The following SEC31B variants were observed in gnomAD, a reference collection of about 807,000 sequenced individuals.
SEC31B encodes SEC31 homolog B, COPII component, also known as protein transport protein Sec31B.
In SEC31B, 113 loss-of-function variants were observed where a neutral mutation model predicts 135.0. That is an observed-to-expected ratio of 0.84 (90% confidence interval 0.72 to 0.98). The LOEUF is 0.98. SEC31B is among the 50% of genes least tolerant of loss of function. The pLI, the probability that SEC31B is intolerant of heterozygous loss-of-function variation, is 0.00. For synonymous variants in SEC31B, 508 were observed against 549.4 expected (o/e 0.92, Z 1.05); for missense variants, 1,296 against 1,421.1 (o/e 0.91, Z 1.42).
chr10:100,497,567 C>T lies in SEC31B; in HGVS notation c.1990+100G>A, dbSNP rs372346101. 90 of 1,588,656 alleles carry T rather than the reference C, an allele frequency of 5.7e-5. No homozygotes were observed. The African/African-American group carries it at 1.0e-3, about 18-fold the overall frequency. On this transcript the variant is annotated intron_variant, in intron 16 of 25. Coordinates refer to ENST00000370345, the MANE Select transcript of SEC31B (RefSeq NM_015490.4). Reference sequence around the variant, plus strand: ...TAGCCCTGACAACATTGCCTCGCCTCCCACAGCTCAGTCTGCTCCTCCACC... The same window carrying T: ...TAGCCCTGACAACATTGCCTCGCCTTCCACAGCTCAGTCTGCTCCTCCACC...
intron 19 of SEC31B, among the ~76,000 whole-genome samples, chr10:100,494,371 G>GCC (rs1178045787): frequency 1.3e-5 from 2 of 152,080 alleles, no homozygotes; most frequent in Non-Finnish European, 2.9e-5. Context: ...ACTCCCTCCA[G>GCC]CCTGGCCCTT....
At position 100,490,874 on chromosome 10, in the gene SEC31B, G is replaced by A; in HGVS notation, c.2482C>T (p.Pro828Ser). The A allele has an allele frequency of 6.7e-7, 1 of 1,492,488 alleles. No individual in the cohort carries two copies. 92.5% of individuals were successfully genotyped at this position (1,492,488 alleles called of 1,614,324 possible). A position where few individuals can be genotyped will look rare whatever the true frequency, so the allele number is the denominator to read the frequency against. ...GSQPSHQVPT[P>S]SPRPRVFTPQ... is the part of the protein sequence containing the mutation. ...GTGAAAACCCTTGGCCTTGGAGATG[G>A]AGTTGGGACCTATGAAGAGAAAAAA... The change falls in exon 20 of 26, where the codon CCA becomes TCA. Residue 828 changes from proline (P) to serine (S), a missense_variant. Pro to Ser is a moderately conservative substitution (Grantham distance 74). Transcript: ENST00000370345.
chr10:100,489,559 GAA>G, intron 22 of SEC31B, 142 bp downstream of exon 22: 1 of 1,383,154 alleles, frequency 7.2e-7, no homozygotes, highest in Admixed American at 2.2e-5. Context: ...GAAAGAGAAA[GAA>G]GAGGGTTCTG....
At chr10:100,495,745 A>G (rs1589732634) in intron 18 of SEC31B, among the ~76,000 whole-genome samples, 199 bp from the exon 19 acceptor site, 1 of 152,060 alleles carries the variant, frequency 6.6e-6, no homozygotes, top group East Asian at 1.9e-4. Context: ...GTCTCTAGTG[A>G]TAAGTGGAAA....
intron 19 of SEC31B, among the ~76,000 whole-genome samples, chr10:100,493,814 G>A (rs765827527): frequency 6.6e-6 from 1 of 152,160 alleles, no homozygotes; most frequent in Middle Eastern, 3.2e-3. Context: ...GCAATTTCTT[G>A]GTTTTGATAG....
intron 19 of SEC31B, among the ~76,000 whole-genome samples, chr10:100,491,799 T>C (rs1325250086): frequency 1.3e-5 from 2 of 152,198 alleles, no homozygotes; most frequent in African/African-American, 4.8e-5. Context: ...GTGGGACTTT[T>C]TGTAAGTGTT....
Position 100,498,704 on chromosome 10 carries a change from C to A in SEC31B, c.1684+1G>T. ...CTCCCTCTCCCTCAGGGTCAGGGTA[C>A]CTTTTGTGATGGGGATCTCCCAAGG... On this transcript the variant is annotated splice_donor_variant, in intron 14 of 25. Coordinates refer to ENST00000370345, the MANE Select transcript of SEC31B (RefSeq NM_015490.4). LOFTEE classifies it high-confidence loss of function. The A allele has an allele frequency of 6.2e-7, 1 of 1,609,662 alleles. No homozygotes were observed. The highest frequency in any genetic ancestry group is 8.5e-7 in the Non-Finnish European group (1 of 1,176,280).
At chr10:100,504,382 T>C (rs1851585073) in intron 10 of SEC31B, among the ~76,000 whole-genome samples, 1 of 152,222 alleles carries the variant, frequency 6.6e-6, no homozygotes, top group South Asian at 2.1e-4. Flanking sequence ...ACCAAGTGCT[T>C]CAGGGCCTTG....
At chr10:100,504,133 G>A (rs982562330) in intron 10 of SEC31B, among the ~76,000 whole-genome samples, 1 of 152,196 alleles carries the variant, frequency 6.6e-6, no homozygotes, top group Non-Finnish European at 1.5e-5. Context: ...GAACGGTTAA[G>A]TCCTGAGAGG....
rs974020333 is a variant in SEC31B at position 100,489,944 on chromosome 10, A to T, written c.2965+64T>A. The stretch of plus-strand genomic sequence containing the variant: ...CCCTCTGACTTGAGGAAAGACTCCC[A>T]AAGTAGTGAGAGGAGCAGGGGAGGC... On this transcript the variant is annotated intron_variant, in intron 21 of 25. Coordinates refer to ENST00000370345, the MANE Select transcript of SEC31B (RefSeq NM_015490.4). 32 of 1,532,636 alleles carry T rather than the reference A, an allele frequency of 2.1e-5. No individual in the cohort carries two copies. The African/African-American group carries it at 4.0e-4, about 19-fold the overall frequency. 94.9% of individuals were successfully genotyped at this position (1,532,636 alleles called of 1,614,324 possible).
At chr10:100,501,515 T>C (rs1422357599) in intron 11 of SEC31B, 1 of 152,292 alleles carries the variant, frequency 6.6e-6, no homozygotes, top group Admixed American at 6.5e-5. Context: ...TCCACCTTCA[T>C]AAAGCTCTAC....
chr10:100,495,827 C>T (rs1001209662), intron 18 of SEC31B, among the ~76,000 whole-genome samples: 1 of 152,100 alleles, frequency 6.6e-6, no homozygotes, highest in African/African-American at 2.4e-5. Context: ...GTATTCTGAC[C>T]CTTGGACACC....
intron 19 of SEC31B, among the ~76,000 whole-genome samples, chr10:100,494,211 C>T (rs1365443868): frequency 1.3e-5 from 2 of 151,876 alleles, no homozygotes; most frequent in Non-Finnish European, 2.9e-5. Flanking sequence ...AACCTCTTTC[C>T]TCTCCCTCAG....
chr10:100,496,163 T>A, intron 18 of SEC31B, 95 bp downstream of exon 18: 2 of 1,344,010 alleles, frequency 1.5e-6, no homozygotes, highest in Middle Eastern at 1.9e-4. Context: ...TCCTAGGAGC[T>A]TCAGCATTAG....
At chr10:100,516,320 G>C in intron 2 of SEC31B, 101 bp from the exon 3 acceptor site, 1 of 1,341,984 alleles carries the variant, frequency 7.5e-7, no homozygotes. Context: ...AAGAGGGCTG[G>C]GTATACCCTT....
At chr10:100,501,813 C>T (rs1351437195) in intron 11 of SEC31B, 3 of 177,312 alleles carry the variant, frequency 1.7e-5, no homozygotes, top group Admixed American at 1.1e-4. Context: ...AAGGACTTGC[C>T]TTGGGTTACT....
chr10:100,506,410 A>G lies in SEC31B; in HGVS notation c.793T>C (p.Ser265Pro), dbSNP rs1367241621. 2.5e-6 allele frequency: 4 copies of G among 1,614,150 alleles called. No homozygotes were observed. The highest frequency in any genetic ancestry group is 3.4e-6 in the Non-Finnish European group (4 of 1,179,998). The change falls in exon 8 of 26, where the codon TCA becomes CCA. Residue 265 changes from serine (S) to proline (P), a missense_variant. Transcript: ENST00000370345. Reference protein sequence around the residue: ...VLESHSRGILSVSWSQADAEL... With the variant: ...VLESHSRGILPVSWSQADAEL... ...GCATCAGCCTGGCTCCATGACACTG[A>G]CAAGATCCCCCTAAAAAGAGAAGGG...
chr10:100,490,224 T>C lies in SEC31B; in HGVS notation c.2749A>G (p.Met917Val). Reference protein sequence around the residue: ...TWPLPGSPLPMACPGIMRPGS... With the variant: ...TWPLPGSPLPVACPGIMRPGS... ...GGTCGCATGATGCCTGGGCATGCCA[T>C]GGGTAGAGGGGAACCAGGAAGAGGC... Residue 917 changes from methionine (M) to valine (V), a missense_variant, in exon 21 of 26, where the codon ATG becomes GTG. Coordinates refer to ENST00000370345, the MANE Select transcript of SEC31B (RefSeq NM_015490.4). The C allele has an allele frequency of 1.2e-6, 2 of 1,612,952 alleles. No homozygotes were observed. Among genetic ancestry groups the C allele is most frequent in the South Asian group, 2.2e-5 (2 of 91,000 alleles).
intron 11 of SEC31B, 107 bp downstream of exon 11, chr10:100,502,147 C>T (rs1271894735): frequency 2.4e-5 from 20 of 826,512 alleles, no homozygotes; most frequent in South Asian, 9.6e-5. Context: ...GTTAAGGCCT[C>T]TGTGATCTGG....
Sources: allele counts gnomAD v4.1 joint callset (sites outside exome capture counted in the v4.1 genomes callset), GRCh38; gene constraint gnomAD v4.1.1; transcripts MANE v1.5; gene names NCBI Gene and HGNC (gene_info 2026-07-23, HGNC 2026-07-21).